SYNPR: variants seen among roughly 807,000 people sequenced by gnomAD.
The protein encoded by SYNPR is synaptoporin.
In SYNPR, 23 loss-of-function variants were observed where a neutral mutation model predicts 32.9. That is an observed-to-expected ratio of 0.70 (90% CI 0.50 to 0.99). The LOEUF is 0.99. Ranked by LOEUF, SYNPR falls within the 50% of genes least tolerant of loss-of-function variation. The pLI, the probability that SYNPR is intolerant of heterozygous loss-of-function variation, is 0.00. For synonymous variants in SYNPR, 146 were observed against 135.9 expected, an observed-to-expected ratio of 1.07 and a Z score of -0.52; for missense variants, 318 against 349.3, an observed-to-expected ratio of 0.91 and a Z score of 0.71.
intron 4 of SYNPR, among the ~76,000 whole-genome samples, chr3:63,595,531 T>C (rs959889298): frequency 7.3e-5 from 11 of 150,960 alleles, no homozygotes; most frequent in Admixed American, 1.3e-4. Flanking sequence ...ACTCCAAATC[T>C]GGTCTAAGCT....
intron 2 of SYNPR, among the ~76,000 whole-genome samples, chr3:63,253,871 T>C (rs2086358946): frequency 6.6e-6 from 1 of 152,194 alleles, no homozygotes. Flanking sequence ...TGCATATGTA[T>C]GTTTATTGCG....
At chr3:63,477,635 C>A (rs1700954440) in intron 2 of SYNPR, among the ~76,000 whole-genome samples, 1 of 152,312 alleles carries the variant, frequency 6.6e-6, no homozygotes, top group East Asian at 1.9e-4. Flanking sequence ...GGCTCCCATG[C>A]ACAGCTGCAT....
At chr3:63,322,455 T>C (rs2087120839) in intron 2 of SYNPR, among the ~76,000 whole-genome samples, 1 of 152,052 alleles carries the variant, frequency 6.6e-6, no homozygotes, top group Admixed American at 6.6e-5. Flanking sequence ...CATAGTTTAG[T>C]GTGAGTAAGT....
intron 4 of SYNPR, among the ~76,000 whole-genome samples, chr3:63,564,577 C>T (rs185228469): frequency 5.3e-5 from 8 of 152,124 alleles, no homozygotes; most frequent in Middle Eastern, 3.4e-3. Context: ...ATGGACTTCA[C>T]CTTAAATGAA....
In SYNPR at chr3:63,408,303, GGAAGGAAGGAAGGAAGGAAAGAAA is replaced by G. The variant is rs1247759089; in HGVS notation, c.85-72525_85-72502del. ...AGGAAGGAAGGAAGGAAGGAAGGAA[GGAAGGAAGGAAGGAAGGAAAGAAA>G]GAAAGAAAGAAAGAAAGAAAGAAAG... is the stretch of plus-strand genomic sequence containing the variant. On this transcript the variant is annotated intron_variant, in intron 2 of 5. Coordinates refer to ENST00000478300, the MANE Select transcript of SYNPR (RefSeq NM_001130003.2). Among the ~76,000 whole-genome samples, 38 of 92,596 alleles carry G rather than the reference GGAAGGAAGGAAGGAAGGAAAGAAA, an allele frequency of 4.1e-4. 2 individuals carry two copies. The highest frequency in any genetic ancestry group is 2.2e-3 in the African/African-American group (36 of 16,034). 60.7% of individuals were successfully genotyped at this position (92,596 alleles called of 152,430 possible). A position where few individuals can be genotyped will look rare whatever the true frequency, so the allele number is the denominator to read the frequency against.
At chr3:63,236,227 G>T (rs1033165254) in intron 1 of SYNPR, among the ~76,000 whole-genome samples, 2 of 151,750 alleles carry the variant, frequency 1.3e-5, no homozygotes, top group Non-Finnish European at 1.5e-5. Context: ...CTTTTCCATA[G>T]ATCTATACAT....
intron 2 of SYNPR, among the ~76,000 whole-genome samples, chr3:63,338,404 G>A (rs574150569): frequency 2.6e-5 from 4 of 152,222 alleles, no homozygotes; most frequent in South Asian, 2.1e-4. Context: ...TAGCTTTCTC[G>A]ATCATCTTGT....
At chr3:63,301,289 C>T (rs551607137) in intron 2 of SYNPR, among the ~76,000 whole-genome samples, 5 of 152,148 alleles carry the variant, frequency 3.3e-5, no homozygotes, top group East Asian at 1.9e-4. Flanking sequence ...CAGCGCAGTA[C>T]CTAATATAGG....
chr3:63,506,644 T>C (rs1195400824), intron 3 of SYNPR, among the ~76,000 whole-genome samples: 1 of 152,220 alleles, frequency 6.6e-6, no homozygotes, highest in African/African-American at 2.4e-5. Flanking sequence ...ACTCATTTGA[T>C]CATAGAAACT....
rs1001458493 is a variant in SYNPR, at chr3:63,362,459, T to C, written c.84+83717T>C. Among the ~76,000 whole-genome samples the C allele has an allele frequency of 9.5e-4, 145 of 151,856 alleles. 7 individuals carry two copies. Among genetic ancestry groups the C allele is most frequent in the Non-Finnish European group, 2.8e-4 (19 of 67,988 alleles). On this transcript the variant is annotated intron_variant, in intron 2 of 5. Transcript: ENST00000478300. ...TCCTAAGATAAATAGTACAATAATCTCTCTATTCTAGCTTCATGGATGGGT... is the reference window on the plus strand; with the variant it reads ...TCCTAAGATAAATAGTACAATAATCCCTCTATTCTAGCTTCATGGATGGGT...
chr3:63,282,259 G>A lies in SYNPR; in HGVS notation c.84+3517G>A, dbSNP rs543477766. On this transcript the variant is annotated intron_variant, in intron 2 of 5. Coordinates refer to ENST00000478300, the MANE Select transcript of SYNPR (RefSeq NM_001130003.2). ...TCAAACATAAAAGACATGTTCTCATGTTTCTTTTTCTGACTAAATGTCGAT... is the reference window on the plus strand; with the variant it reads ...TCAAACATAAAAGACATGTTCTCATATTTCTTTTTCTGACTAAATGTCGAT... Among the ~76,000 whole-genome samples the A allele has an allele frequency of 2.0e-5, 3 of 152,142 alleles. No individual in the cohort carries two copies. The South Asian group carries it at 6.2e-4, about 32-fold the overall frequency.
chr3:63,550,423 C>T (rs971902523), intron 3 of SYNPR, among the ~76,000 whole-genome samples: 1 of 151,414 alleles, frequency 6.6e-6, no homozygotes, highest in African/African-American at 2.4e-5. Flanking sequence ...ATATATTTTA[C>T]CCAGTATGGC....
chr3:63,381,425 C>T (rs1343717993), intron 2 of SYNPR, among the ~76,000 whole-genome samples: 2 of 152,206 alleles, frequency 1.3e-5, no homozygotes, highest in African/African-American at 4.8e-5. Context: ...AATGGAAGAA[C>T]ATTCCATGCT....
chr3:63,224,986 G>C (rs1159005982), upstream of SYNPR, among the ~76,000 whole-genome samples: 2 of 152,186 alleles, frequency 1.3e-5, no homozygotes, highest in Non-Finnish European at 2.9e-5. Context: ...GTCCTGCTAT[G>C]TTCTTGCTAT....
chr3:63,240,033 C>T (rs2086229740), intron 1 of SYNPR, among the ~76,000 whole-genome samples: 1 of 152,096 alleles, frequency 6.6e-6, no homozygotes, highest in Non-Finnish European at 1.5e-5. Context: ...CTTAATTAGC[C>T]TGGGATTATA....
chr3:63,468,194 C>CAAAA (rs552378431), intron 2 of SYNPR, among the ~76,000 whole-genome samples: 9 of 80,834 alleles, frequency 1.1e-4, no homozygotes, highest in African/African-American at 1.6e-4. Flanking sequence ...AACTCCATCT[C>CAAAA]AAAAAAAAAA....
the SYNPR span, among the ~76,000 whole-genome samples, chr3:63,222,015 T>TTTTTTTTTTTTTTTTTTTTTTG: frequency 1.5e-5 from 2 of 129,378 alleles, 1 homozygote; most frequent in Non-Finnish European, 3.2e-5. Flanking sequence ...TGCTCAATTT[T>TTTTTTTTTTTTTTTTTTTTTTG]TTTTTTTTTT....
At chr3:63,273,557 G>C (rs1296120342), upstream of SYNPR, among the ~76,000 whole-genome samples, 1 of 151,824 alleles carries the variant, frequency 6.6e-6, no homozygotes, top group Admixed American at 6.6e-5. Flanking sequence ...TGTTAGTTTT[G>C]GTCCTCTGAT....
intron 4 of SYNPR, among the ~76,000 whole-genome samples, chr3:63,571,030 T>C (rs1345482876): frequency 6.6e-6 from 1 of 152,118 alleles, no homozygotes. Context: ...ATATTGGAGG[T>C]ACCCATCATG....
Sources: allele counts gnomAD v4.1 joint callset (sites outside exome capture counted in the v4.1 genomes callset), GRCh38; gene constraint gnomAD v4.1.1; transcripts MANE v1.5; gene names NCBI Gene and HGNC (gene_info 2026-07-23, HGNC 2026-07-21).